FMN1: variants seen among roughly 807,000 people sequenced by gnomAD.
FMN1 encodes formin-1.
FMN1 carries 110 observed loss-of-function variants against 132.4 expected under a neutral mutation model. That is an observed-to-expected ratio of 0.83 (90% CI 0.71 to 0.97). The LOEUF (loss-of-function observed/expected upper bound fraction) is 0.97. FMN1 is among the 50% of genes least tolerant of loss of function. The pLI, the probability that FMN1 is intolerant of heterozygous loss-of-function variation, is 0.00. For missense variants in FMN1, 1,792 were observed against 1,705.3 expected, an observed-to-expected ratio of 1.05 and a Z score of -0.90; for synonymous variants, 722 against 651.7, an observed-to-expected ratio of 1.11 and a Z score of -1.64.
At position 32,770,939 on chromosome 15, in the gene FMN1, C is replaced by T. The variant is rs75606001; in HGVS notation, c.*3371G>A. On this transcript the variant is annotated 3_prime_UTR_variant, in exon 21 of 21. Coordinates refer to ENST00000616417, the MANE Select transcript of FMN1 (RefSeq NM_001277313.2). ...GGGCAGTAGGACCATCACCTATGAC[C>T]TCTGGGCCCCCACCGTCATCATAAA... 0.06 allele frequency: 9,176 copies of T among 151,770 alleles called. 429 individuals carry two copies. The highest frequency in any genetic ancestry group is 0.18 in the East Asian group (941 of 5,138). The allele number at this position is 151,770 out of a possible 1,614,324, so 9.4% of individuals were successfully genotyped here. A position where few individuals can be genotyped will look rare whatever the true frequency, so the allele number is the denominator to read the frequency against.
At chr15:33,124,451 CAG>C (rs1304538659) in intron 4 of FMN1, among the ~76,000 whole-genome samples, 1 of 152,136 alleles carries the variant, frequency 6.6e-6, no homozygotes, top group Non-Finnish European at 1.5e-5. Flanking sequence ...TGCCATTCAG[CAG>C]AGGCGGCAGC....
At chr15:32,937,342 T>C (rs1297635208) in intron 9 of FMN1, among the ~76,000 whole-genome samples, 2 of 152,210 alleles carry the variant, frequency 1.3e-5, no homozygotes, top group Non-Finnish European at 2.9e-5. Flanking sequence ...TCTAAATCAA[T>C]GTATTGTGCC....
rs117277378 is a variant in FMN1, at chr15:33,122,622, G to A, written c.1867+30426C>T. ...AATGCAGCAGTAATAAAATCTAATGGCCACTAGTGACAGGTACAATGTGAG... is the reference window on the plus strand; with the variant it reads ...AATGCAGCAGTAATAAAATCTAATGACCACTAGTGACAGGTACAATGTGAG... On this transcript the variant is annotated intron_variant, in intron 4 of 20. Transcript: ENST00000616417. Among the ~76,000 whole-genome samples the A allele has an allele frequency of 2.4e-4, 37 of 152,246 alleles. No individual in the cohort carries two copies. The East Asian group carries it at 7.1e-3, about 29-fold the overall frequency.
intron 16 of FMN1, among the ~76,000 whole-genome samples, chr15:32,869,162 T>C (rs1409164090): frequency 4.6e-5 from 7 of 152,210 alleles, no homozygotes; most frequent in Non-Finnish European, 1.0e-4. Context: ...TTAAGTGGTG[T>C]AGCATGTCTG....
intron 17 of FMN1, among the ~76,000 whole-genome samples, chr15:32,813,698 T>G (rs948956316): frequency 6.6e-6 from 1 of 152,188 alleles, no homozygotes; most frequent in Non-Finnish European, 1.5e-5. Context: ...CTTGATGAAG[T>G]TGATAAGACA....
At chr15:33,054,056 C>A (rs12914708) in intron 6 of FMN1, among the ~76,000 whole-genome samples, 2,632 of 152,236 alleles carry the variant, frequency 0.017, 37 homozygotes, top group Non-Finnish European at 0.024. Context: ...AACCCTCTAA[C>A]GAAGATGTGA....
intron 6 of FMN1, among the ~76,000 whole-genome samples, chr15:33,021,047 T>C (rs2035392414): frequency 6.6e-6 from 1 of 152,190 alleles, no homozygotes. Context: ...AAGGAGGGAT[T>C]TAAATTTAAT....
At chr15:32,930,754 C>G (rs1025306087) in intron 9 of FMN1, among the ~76,000 whole-genome samples, 3 of 151,588 alleles carry the variant, frequency 2.0e-5, no homozygotes, top group South Asian at 4.2e-4. Context: ...CATGCTATAT[C>G]CAGGAAACAA....
chr15:33,106,537 A>G (rs1023755601), intron 4 of FMN1, among the ~76,000 whole-genome samples: 1 of 152,020 alleles, frequency 6.6e-6, no homozygotes, highest in Non-Finnish European at 1.5e-5. Flanking sequence ...GGTTGAATGC[A>G]TACTTTTTCT....
At chr15:33,059,940 C>T (rs931020764) in intron 6 of FMN1, among the ~76,000 whole-genome samples, 1 of 152,240 alleles carries the variant, frequency 6.6e-6, no homozygotes, top group Non-Finnish European at 1.5e-5. Flanking sequence ...CTTTAGTTCC[C>T]ATTTATGTTG....
At position 33,163,442 on chromosome 15, in the gene FMN1, G is replaced by A. The variant is rs111477484; in HGVS notation, c.-131-8397C>T. Among the ~76,000 whole-genome samples, 321 of 140,772 alleles carry A rather than the reference G, an allele frequency of 2.3e-3. 2 individuals are homozygous for A. Among genetic ancestry groups the A allele is most frequent in the African/African-American group, 8.2e-3 (309 of 37,858 alleles). The allele number at this position is 140,772 out of a possible 152,430, so 92.4% of individuals were successfully genotyped here. A position where few individuals can be genotyped will look rare whatever the true frequency, so the allele number is the denominator to read the frequency against. ...CCCGAGTAGCTGGGATTACAGGCAC[G>A]CACCACCATGCCCGGCTAATTTTGT... On this transcript the variant is annotated intron_variant, in intron 3 of 20. Coordinates refer to ENST00000616417, the MANE Select transcript of FMN1 (RefSeq NM_001277313.2).
intron 19 of FMN1, among the ~76,000 whole-genome samples, chr15:32,787,339 G>A (rs1299578838): frequency 6.6e-6 from 1 of 152,184 alleles, no homozygotes; most frequent in Non-Finnish European, 1.5e-5. Flanking sequence ...ATCCCAGGCA[G>A]GCCAACAAGG....
chr15:33,179,530 T>C (rs62012804), intron 3 of FMN1, among the ~76,000 whole-genome samples: 21,577 of 152,188 alleles, frequency 0.14, 2,961 homozygotes, highest in African/African-American at 0.36. Context: ...AAATAGTGCC[T>C]ACGGCCACCG....
chr15:33,016,837 C>G (rs1167817572), intron 6 of FMN1, among the ~76,000 whole-genome samples: 1 of 152,194 alleles, frequency 6.6e-6, no homozygotes, highest in Non-Finnish European at 1.5e-5. Flanking sequence ...GTGAACCACA[C>G]AGACCACTGC....
chr15:33,167,744 G>GTA (rs1965165896), intron 3 of FMN1, among the ~76,000 whole-genome samples: 1 of 152,198 alleles, frequency 6.6e-6, no homozygotes, highest in South Asian at 2.1e-4. Flanking sequence ...TTCTAATAAA[G>GTA]TAAGCTAGAG....
intron 11 of FMN1, among the ~76,000 whole-genome samples, chr15:32,909,722 A>G (rs2060511212): frequency 6.6e-6 from 1 of 152,204 alleles, no homozygotes; most frequent in African/African-American, 2.4e-5. Flanking sequence ...ATGAACAATC[A>G]TGGGAATTCT....
At chr15:33,018,076 A>T (rs2035170762) in intron 6 of FMN1, among the ~76,000 whole-genome samples, 1 of 151,914 alleles carries the variant, frequency 6.6e-6, no homozygotes, top group African/African-American at 2.4e-5. Flanking sequence ...AGAAAAAAAA[A>T]AAAAAAAATT....
At chr15:32,964,041 A>G (rs929583415) in intron 9 of FMN1, 66 bp downstream of exon 9, 3 of 1,175,230 alleles carry the variant, frequency 2.6e-6, no homozygotes, top group Admixed American at 3.8e-5. Context: ...ACACACACAC[A>G]CACACACATA....
At position 32,933,789 on chromosome 15, in the gene FMN1, T is replaced by A. The variant is rs373357856; in HGVS notation, c.3139-7528A>T. ...TGCTGTCTTTTGGATTGTTTTTAGTTTAGCTAAGGATGTCAGTTGTTGGTT... is the reference window on the plus strand; with the variant it reads ...TGCTGTCTTTTGGATTGTTTTTAGTATAGCTAAGGATGTCAGTTGTTGGTT... On this transcript the variant is annotated intron_variant, in intron 9 of 20. Coordinates refer to ENST00000616417, the MANE Select transcript of FMN1 (RefSeq NM_001277313.2). Among the ~76,000 whole-genome samples the A allele has an allele frequency of 1.3e-5, 2 of 152,292 alleles. 1 individual carries two copies. Among genetic ancestry groups the A allele is most frequent in the African/African-American group, 4.8e-5 (2 of 41,564 alleles).
Sources: gnomAD v4.1 joint callset for allele counts (sites outside exome capture counted in the v4.1 genomes callset) on GRCh38, gnomAD v4.1.1 for gene constraint, MANE v1.5 for transcripts, NCBI Gene and HGNC (gene_info 2026-07-23, HGNC 2026-07-21) for gene names.